PLEKHA6: variants seen among roughly 807,000 people sequenced by gnomAD.
PLEKHA6 encodes pleckstrin homology domain-containing family A member 6.
Under a neutral mutation model 116.7 loss-of-function variants are expected in PLEKHA6, and 60 were observed. That is an observed-to-expected ratio of 0.51 (90% CI 0.42 to 0.64). The LOEUF is 0.64. Among genes scored for constraint, PLEKHA6 ranks in the 30% least tolerant of loss-of-function variants. The pLI is 0.00. For synonymous variants in PLEKHA6, 489 were observed against 556.1 expected (o/e 0.88, Z 1.70); for missense variants, 1,338 against 1,422.7 (o/e 0.94, Z 0.96).
chr1:204,355,645 G>A (rs1293475501), intron 1 of PLEKHA6, among the ~76,000 whole-genome samples: 2 of 150,814 alleles, frequency 1.3e-5, no homozygotes, highest in African/African-American at 4.8e-5. Context: ...TCACCATGTT[G>A]ACCAGGCTGG....
At chr1:204,372,122 C>T (rs1339124225) in intron 1 of PLEKHA6, among the ~76,000 whole-genome samples, 1 of 152,188 alleles carries the variant, frequency 6.6e-6, no homozygotes, top group Non-Finnish European at 1.5e-5. Flanking sequence ...GTCAACAATG[C>T]TACATATTTT....
chr1:204,242,119 A>C (rs1460516126), intron 15 of PLEKHA6, among the ~76,000 whole-genome samples: 2 of 152,150 alleles, frequency 1.3e-5, no homozygotes, highest in African/African-American at 2.4e-5. Context: ...TGTGAGCCAG[A>C]TTCAAGGAAT....
At chr1:204,356,567 AAATAAT>A (rs907582080) in intron 1 of PLEKHA6, among the ~76,000 whole-genome samples, 41 of 137,390 alleles carry the variant, frequency 3.0e-4, no homozygotes, top group African/African-American at 1.4e-3. Context: ...GCCCTGTCTC[AAATAAT>A]AATAATAATA....
chr1:204,324,910 T>TTTTA (rs988513020), intron 1 of PLEKHA6, among the ~76,000 whole-genome samples: 10 of 152,130 alleles, frequency 6.6e-5, no homozygotes, highest in East Asian at 1.9e-4. Context: ...GAATACAGAA[T>TTTTA]TTTATTTATT....
intron 4 of PLEKHA6, 63 bp downstream of exon 4, chr1:204,268,145 G>A: frequency 9.6e-7 from 1 of 1,041,760 alleles, no homozygotes; most frequent in Non-Finnish European, 1.5e-6. Context: ...AAGCACAGAG[G>A]AATCCTTATT....
At chr1:204,224,942 CA>C (rs1345534975) in intron 21 of PLEKHA6, among the ~76,000 whole-genome samples, 1 of 152,194 alleles carries the variant, frequency 6.6e-6, no homozygotes, top group African/African-American at 2.4e-5. Context: ...GCCCACAGGA[CA>C]TGCAGCGAGG....
intron 2 of PLEKHA6, among the ~76,000 whole-genome samples, chr1:204,274,120 C>T (rs995841098): frequency 3.3e-5 from 5 of 151,594 alleles, no homozygotes; most frequent in African/African-American, 9.7e-5. Context: ...TTTAGAGAGA[C>T]AGGGTGTCAC....
intron 9 of PLEKHA6, chr1:204,251,503 G>A (rs550281724): frequency 1.0e-5 from 7 of 701,970 alleles, no homozygotes; most frequent in East Asian, 8.1e-5. Flanking sequence ...GCATTGGCAG[G>A]GACCATGCTG....
rs1486573886 is a variant in PLEKHA6 at position 204,255,637 on chromosome 1, A to G, written c.1524+1716T>C. ...CCAGCTCTGCCTACCTGCTGATCCA[A>G]ATACTCTAGGTTTCTTTGCAACTGA... On this transcript the variant is annotated intron_variant, in intron 9 of 22. Coordinates refer to ENST00000272203, the MANE Select transcript of PLEKHA6 (RefSeq NM_014935.5). 6 of 702,824 alleles carry G rather than the reference A, an allele frequency of 8.5e-6. No individual in the cohort carries two copies. In the Admixed American group the frequency reaches 1.0e-4, roughly 12 times the overall value. 43.5% of individuals were successfully genotyped at this position (702,824 alleles called of 1,614,324 possible).
In PLEKHA6 at chr1:204,366,351, A is replaced by G. The variant is rs1190834263; in HGVS notation, c.218+1448T>C. ...GAACAGATACTTTGAAAGGAAGACG[A>G]AGAAGGAGGAAGAGCAGGAAGAAGA... On this transcript the variant is annotated intron_variant, in intron 3 of 4. Transcript: ENST00000564627. 3.3e-5 allele frequency among the ~76,000 whole-genome samples: 5 copies of G among 152,194 alleles called. No homozygotes were observed. The East Asian group carries it at 9.6e-4, about 29-fold the overall frequency.
At position 204,218,952 on chromosome 1, in the gene PLEKHA6, A is replaced by G. The variant is rs1426202256; in HGVS notation, c.*3836T>C. 1 of 152,574 alleles carries G rather than the reference A, an allele frequency of 6.6e-6. No individual in the cohort carries two copies. The highest frequency in any genetic ancestry group is 1.9e-4 in the East Asian group (1 of 5,184). 9.5% of individuals were successfully genotyped at this position (152,574 alleles called of 1,614,324 possible). A position where few individuals can be genotyped will look rare whatever the true frequency, so the allele number is the denominator to read the frequency against. On this transcript the variant is annotated 3_prime_UTR_variant, in exon 23 of 23. Transcript: ENST00000272203. ...TTCTTCAGTACCTAAATCTAAAAAG[A>G]ATGCTGCTGAAAGGGGGAAGCAAAC...
At position 204,223,304 on chromosome 1, in the gene PLEKHA6, G is replaced by C. The variant is rs981310023; in HGVS notation, c.*8+158C>G. 6.6e-6 allele frequency among the ~76,000 whole-genome samples: 1 copy of C among 152,158 alleles called. No homozygotes were observed. The highest frequency in any genetic ancestry group is 1.5e-5 in the Non-Finnish European group (1 of 68,026). ...ACTGCGTGGGGAAGCTGGATGGACG[G>C]ATGGATGGATGAATGGATGGATAGT... On this transcript the variant is annotated intron_variant, in intron 22 of 22. Coordinates refer to ENST00000272203, the MANE Select transcript of PLEKHA6 (RefSeq NM_014935.5). This position sits in a 1 kb window ranked among gnomAD's most constrained non-coding sequence, Gnocchi z 4.8.
chr1:204,365,241 C>T (rs372050839), intron 3 of PLEKHA6, among the ~76,000 whole-genome samples: 9 of 152,070 alleles, frequency 5.9e-5, no homozygotes, highest in South Asian at 2.1e-4. Flanking sequence ...CTGTAAGTGA[C>T]GGGTAACATG....
chr1:204,371,590 T>C (rs1673779739), exon 2 of PLEKHA6: 1 of 152,202 alleles, frequency 6.6e-6, no homozygotes, highest in African/African-American at 2.4e-5. Flanking sequence ...ACCCAGCTGG[T>C]TGACTTTTCC....
chr1:204,253,458 C>T (rs377218626), intron 9 of PLEKHA6, among the ~76,000 whole-genome samples: 1 of 152,150 alleles, frequency 6.6e-6, no homozygotes, highest in African/African-American at 2.4e-5. Flanking sequence ...GGGGGCGAAG[C>T]CTACAGTGAG....
Position 204,249,114 on chromosome 1 carries a change from G to A in PLEKHA6, c.1674+70C>T, listed in dbSNP as rs1009894667. 4 of 1,484,928 alleles carry A rather than the reference G, an allele frequency of 2.7e-6. No homozygotes were observed. The Admixed American group carries it at 5.1e-5, about 19-fold the overall frequency. 92.0% of individuals were successfully genotyped at this position (1,484,928 alleles called of 1,614,324 possible). ...TGTCATCTCAGTCAGGTTGGAGACA[G>A]CAGCCCACAACCTTCTCCAAGCCAG... On this transcript the variant is annotated intron_variant, in intron 11 of 22. Transcript: ENST00000272203.
chr1:204,241,707 C>T lies in PLEKHA6; in HGVS notation c.2280G>A (p.Glu760=). ...LVPTRQEVEA[E]KQAALNKVGV... is the part of the protein sequence containing the mutation. ...TACCTTTGTTGAGAGCTGCCTGCTT[C>T]TCTGCCTCTACCTCTTGCCTGGTGG... The change falls in exon 16 of 23, where the codon GAG becomes GAA. Residue 760 remains glutamate, a synonymous_variant. Transcript: ENST00000272203. 1 of 1,604,598 alleles carries T rather than the reference C, an allele frequency of 6.2e-7. No homozygotes were observed. The highest frequency in any genetic ancestry group is 8.5e-7 in the Non-Finnish European group (1 of 1,176,532).
At chr1:204,252,715 A>G (rs1664727961) in intron 9 of PLEKHA6, among the ~76,000 whole-genome samples, 2 of 152,200 alleles carry the variant, frequency 1.3e-5, no homozygotes, top group African/African-American at 4.8e-5. Flanking sequence ...AGCGGCCCAC[A>G]TACAGCCTTG....
Position 204,304,392 on chromosome 1 carries a change from G to A in PLEKHA6, c.-94-29583C>T, listed in dbSNP as rs145801083. ...TCAGTTTATCACATTCTAAAGACCC[G>A]CAGGGAAAGATGGTAGTGACAAGAT... On this transcript the variant is annotated intron_variant, in intron 1 of 22. Transcript: ENST00000272203. 2.0e-3 allele frequency among the ~76,000 whole-genome samples: 302 copies of A among 152,286 alleles called. 11 individuals are homozygous for A. In the East Asian group the frequency reaches 0.054, roughly 27 times the overall value.
Sources: allele counts gnomAD v4.1 joint callset (sites outside exome capture counted in the v4.1 genomes callset), GRCh38; gene constraint gnomAD v4.1.1; non-coding constraint Gnocchi (gnomAD v3.1); transcripts MANE v1.5; gene names NCBI Gene and HGNC (gene_info 2026-07-23, HGNC 2026-07-21).